DOCK3: variants seen among roughly 807,000 people sequenced by gnomAD.
DOCK3 encodes the protein dedicator of cytokinesis protein 3.
DOCK3 carries 60 observed loss-of-function variants against 265.6 expected under a neutral mutation model. The ratio of observed to expected loss-of-function variants is 0.23; its 90% CI spans 0.18 to 0.28. The LOEUF is 0.28. Among genes scored for constraint, DOCK3 ranks in the 10% least tolerant of loss-of-function variants. DOCK3 has a pLI of 1.00. For synonymous variants in DOCK3, 881 were observed against 938.0 expected (o/e 0.94, Z 1.11); for missense variants, 1,981 against 2,594.3 (o/e 0.76, Z 5.14).
At chr3:50,905,729 C>T (rs1218831895) in intron 4 of DOCK3, among the ~76,000 whole-genome samples, 1 of 152,064 alleles carries the variant, frequency 6.6e-6, no homozygotes, top group African/African-American at 2.4e-5. Context: ...TTGACTTCCT[C>T]TTTTCCTAAT....
At chr3:51,376,209 C>G (rs977567949) in intron 51 of DOCK3, among the ~76,000 whole-genome samples, 3 of 152,170 alleles carry the variant, frequency 2.0e-5, no homozygotes, top group African/African-American at 7.2e-5. Flanking sequence ...CAGCTTGGGC[C>G]CTCAGGGATC....
intron 23 of DOCK3, among the ~76,000 whole-genome samples, chr3:51,264,537 G>A (rs1251939021): frequency 3.9e-5 from 6 of 152,068 alleles, no homozygotes; most frequent in Non-Finnish European, 4.4e-5. Context: ...CAGAAGACAA[G>A]AAATAACTAG....
At chr3:51,146,731 A>G (rs977409996) in intron 10 of DOCK3, 101 bp downstream of exon 10, 2 of 1,043,304 alleles carry the variant, frequency 1.9e-6, no homozygotes, top group Non-Finnish European at 2.9e-6. Flanking sequence ...TCTTATTTCC[A>G]TATACACTGG....
intron 23 of DOCK3, among the ~76,000 whole-genome samples, chr3:51,262,838 A>T (rs962101663): frequency 3.3e-5 from 5 of 152,218 alleles, no homozygotes; most frequent in African/African-American, 1.2e-4. Context: ...AGATCAACTT[A>T]CTGAAATAAG....
intron 22 of DOCK3, among the ~76,000 whole-genome samples, chr3:51,249,131 G>A (rs1307265250): frequency 2.6e-4 from 37 of 141,916 alleles, no homozygotes; most frequent in African/African-American, 2.6e-4. Context: ...CAGGCCAGCC[G>A]CCCCGTCCGG....
chr3:51,256,903 T>C (rs978155266), intron 22 of DOCK3, among the ~76,000 whole-genome samples: 1 of 152,200 alleles, frequency 6.6e-6, no homozygotes, highest in Non-Finnish European at 1.5e-5. Context: ...CCCCAAGAGC[T>C]TGGGCTTTTA....
intron 12 of DOCK3, among the ~76,000 whole-genome samples, chr3:51,205,194 A>G (rs1242207730): frequency 2.0e-5 from 3 of 151,790 alleles, no homozygotes; most frequent in Admixed American, 6.6e-5. Context: ...AAATAAATAC[A>G]GTGAAAAAAA....
intron 22 of DOCK3, among the ~76,000 whole-genome samples, chr3:51,258,731 G>C (rs1410520983): frequency 1.3e-5 from 2 of 152,068 alleles, no homozygotes; most frequent in Non-Finnish European, 2.9e-5. Flanking sequence ...TGTCAGTTCT[G>C]ACCTTGTCCC....
At chr3:51,176,834 T>C (rs2086985481) in intron 12 of DOCK3, among the ~76,000 whole-genome samples, 1 of 152,150 alleles carries the variant, frequency 6.6e-6, no homozygotes, top group African/African-American at 2.4e-5. Context: ...GTTCGGAAAA[T>C]GAGGTGTACT....
intron 5 of DOCK3, among the ~76,000 whole-genome samples, chr3:50,936,358 G>A (rs1247841872): frequency 1.3e-5 from 2 of 151,038 alleles, no homozygotes. Context: ...AGATAGAGAG[G>A]ACAGGATGTG....
At chr3:50,931,362 C>T (rs1252850221) in intron 4 of DOCK3, among the ~76,000 whole-genome samples, 2 of 152,164 alleles carry the variant, frequency 1.3e-5, no homozygotes, top group Non-Finnish European at 2.9e-5. Context: ...TAGTTAATGT[C>T]ACACATTTAG....
At chr3:51,091,682 CAAA>C (rs36008191) in intron 9 of DOCK3, among the ~76,000 whole-genome samples, 3 of 102,192 alleles carry the variant, frequency 2.9e-5, no homozygotes, top group African/African-American at 3.9e-5. Flanking sequence ...GACTTGGTCT[CAAA>C]AAAAAAAAAA....
chr3:50,872,377 T>C (rs558716428), intron 3 of DOCK3, among the ~76,000 whole-genome samples: 4 of 152,368 alleles, frequency 2.6e-5, no homozygotes, highest in East Asian at 3.9e-4. Flanking sequence ...CTTCTCTTAC[T>C]TTCTGCCAAA....
At chr3:51,316,476 A>C (rs900822440) in intron 32 of DOCK3, among the ~76,000 whole-genome samples, 25 of 152,224 alleles carry the variant, frequency 1.6e-4, no homozygotes, top group African/African-American at 5.3e-4. Context: ...TCTTGAGTGA[A>C]TACTTAGGAA....
intron 9 of DOCK3, among the ~76,000 whole-genome samples, chr3:51,128,440 G>A (rs187181424): frequency 1.3e-5 from 2 of 152,298 alleles, no homozygotes; most frequent in East Asian, 1.9e-4. Flanking sequence ...GGATGATGGG[G>A]AACATGGTAA....
At chr3:50,952,865 G>T (rs181199046) in intron 5 of DOCK3, among the ~76,000 whole-genome samples, 1 of 152,266 alleles carries the variant, frequency 6.6e-6, no homozygotes, top group East Asian at 1.9e-4. Context: ...AGTATGTTGG[G>T]TTATTGTGAA....
intron 9 of DOCK3, among the ~76,000 whole-genome samples, chr3:51,100,707 A>G (rs953045908): frequency 6.6e-6 from 1 of 152,262 alleles, no homozygotes; most frequent in African/African-American, 2.4e-5. Context: ...TCTACAATGT[A>G]ACATTTACAA....
chr3:51,374,195 C>T lies in DOCK3; in HGVS notation c.5294-274C>T, dbSNP rs2087907306. Among the ~76,000 whole-genome samples the T allele has an allele frequency of 6.6e-6, 1 of 152,172 alleles. No homozygotes were observed. The highest frequency in any genetic ancestry group is 6.5e-5 in the Admixed American group (1 of 15,282). ...CACCCTGCTCCAGTTCTTAACTCTC[C>T]TCACCCTCTGCTTCTGAGCATGGTG... is the stretch of plus-strand genomic sequence containing the variant. On this transcript the variant is annotated intron_variant, in intron 49 of 52. Transcript: ENST00000266037. This position sits in a 1 kb window ranked among gnomAD's most constrained non-coding sequence, Gnocchi z 4.8.
At chr3:50,977,283 G>A (rs1168867400) in intron 5 of DOCK3, among the ~76,000 whole-genome samples, 54 of 152,042 alleles carry the variant, frequency 3.6e-4, no homozygotes, top group African/African-American at 8.9e-4. Flanking sequence ...GGCTGGTACC[G>A]GTTGTTCCTT....
Sources: gnomAD v4.1 joint callset for allele counts (sites outside exome capture counted in the v4.1 genomes callset) on GRCh38, gnomAD v4.1.1 for gene constraint, Gnocchi (gnomAD v3.1) non-coding constraint, MANE v1.5 for transcripts, NCBI Gene and HGNC (gene_info 2026-07-23, HGNC 2026-07-21) for gene names.